IGSF10: variants seen among roughly 807,000 people sequenced by gnomAD.
IGSF10 encodes calvaria mechanical force protein 608.
In IGSF10, 126 loss-of-function variants were observed where a neutral mutation model predicts 128.2. That is an observed-to-expected ratio of 0.98 (90% CI 0.85 to 1.14). IGSF10 has a LOEUF of 1.14. IGSF10 is among the 50% of genes most tolerant of loss of function. The pLI, the probability that IGSF10 is intolerant of heterozygous loss-of-function variation, is 0.00. For missense variants in IGSF10, 3,295 were observed against 3,149.8 expected, an observed-to-expected ratio of 1.05 and a Z score of -1.10; for synonymous variants, 1,185 against 1,146.2, an observed-to-expected ratio of 1.03 and a Z score of -0.68.
chr3:151,442,640 C>T (rs374507744), intron 7 of IGSF10, among the ~76,000 whole-genome samples: 9 of 150,444 alleles, frequency 6.0e-5, no homozygotes, highest in East Asian at 5.9e-4. Flanking sequence ...CCATCTGTCT[C>T]GGCCTCCCAA....
chr3:151,617,556 G>C, the IGSF10 span, among the ~76,000 whole-genome samples: 2 of 148,246 alleles, frequency 1.3e-5, no homozygotes, highest in South Asian at 4.1e-4. Context: ...TGTCACTTGA[G>C]TATCACCCAT....
At chr3:151,608,392 T>C in the IGSF10 span, among the ~76,000 whole-genome samples, 1 of 152,204 alleles carries the variant, frequency 6.6e-6, no homozygotes, top group African/African-American at 2.4e-5. Context: ...TGAGATAATG[T>C]AGGACATCTT....
the IGSF10 span, among the ~76,000 whole-genome samples, chr3:151,483,155 C>T: frequency 6.6e-6 from 1 of 151,932 alleles, no homozygotes; most frequent in African/African-American, 2.4e-5. Flanking sequence ...TGGAATGTGC[C>T]AATATTGTAA....
chr3:151,611,296 C>T, the IGSF10 span, among the ~76,000 whole-genome samples: 2 of 152,080 alleles, frequency 1.3e-5, no homozygotes, highest in Admixed American at 6.5e-5. Flanking sequence ...TGAAAACTCA[C>T]CAAATGTTTA....
chr3:151,437,180 T>C lies in IGSF10; in HGVS notation c.7381A>G (p.Lys2461Glu). The change falls in exon 8 of 8, where the codon AAG (lysine) becomes GAG (glutamate). Residue 2461 changes from lysine to glutamate, a missense_variant. Coordinates refer to ENST00000282466, the MANE Select transcript of IGSF10 (RefSeq NM_178822.5). ...SLHCVSDGIP[K>E]PNIKWTMPSG... is the part of the protein sequence containing the mutation. ...GGCATAGTCCATTTGATATTTGGCT[T>C]AGGGATTCCATCAGACACACAATGC... 6.2e-7 allele frequency: 1 copy of C among 1,614,220 alleles called. No individual in the cohort carries two copies. Among genetic ancestry groups the C allele is most frequent in the Non-Finnish European group, 8.5e-7 (1 of 1,180,032 alleles).
chr3:151,569,654 A>T, the IGSF10 span, among the ~76,000 whole-genome samples: 699 of 152,054 alleles, frequency 4.6e-3, 2 homozygotes, highest in Non-Finnish European at 8.0e-3. Flanking sequence ...GGAAATACAG[A>T]CTCCATCTCT....
Position 151,446,563 on chromosome 3 carries a change from C to T in IGSF10, c.3418G>A (p.Gly1140Ser), listed in dbSNP as rs1180331185. 1.9e-6 allele frequency: 3 copies of T among 1,613,992 alleles called. No individual in the cohort carries two copies. The highest frequency in any genetic ancestry group is 1.6e-4 in the Middle Eastern group (1 of 6,062). The change falls in exon 6 of 8, where the codon GGT becomes AGT. Residue 1140 changes from glycine (G) to serine (S), a missense_variant. Physicochemically the swap from Gly to Ser is moderately conservative, Grantham distance 56. Transcript: ENST00000282466. ...RTEISQVTPTGAVMTYAPTSI... is the reference protein window; with the variant it reads ...RTEISQVTPTSAVMTYAPTSI... ...GTTGGAGCATATGTCATGACTGCAC[C>T]AGTTGGAGTCACTTGGGAAATTTCA...
the IGSF10 span, among the ~76,000 whole-genome samples, chr3:151,482,926 T>C: frequency 6.6e-6 from 1 of 151,666 alleles, no homozygotes; most frequent in South Asian, 2.1e-4. Flanking sequence ...TTTAAAGCCC[T>C]GCTGGCCAAG....
the IGSF10 span, among the ~76,000 whole-genome samples, chr3:151,504,169 A>G: frequency 6.6e-6 from 1 of 152,144 alleles, no homozygotes; most frequent in African/African-American, 2.4e-5. Flanking sequence ...CACCTGTTTC[A>G]AAGTTAAACT....
chr3:151,551,429 T>A, the IGSF10 span, among the ~76,000 whole-genome samples: 5 of 152,242 alleles, frequency 3.3e-5, no homozygotes, highest in Admixed American at 1.3e-4. Context: ...ATTTTTCATG[T>A]GTTTTGCATC....
At chr3:151,496,430 G>A in the IGSF10 span, among the ~76,000 whole-genome samples, 5 of 144,320 alleles carry the variant, frequency 3.5e-5, no homozygotes, top group Admixed American at 3.6e-4. Flanking sequence ...TTCCCTATGA[G>A]TGAGAACATG....
chr3:151,616,358 G>A, the IGSF10 span, among the ~76,000 whole-genome samples: 5 of 152,130 alleles, frequency 3.3e-5, no homozygotes, highest in Admixed American at 1.3e-4. Context: ...TGCCAATTAA[G>A]TGTAACTTAA....
chr3:151,464,894 A>G (rs1560186054), upstream of IGSF10, among the ~76,000 whole-genome samples: 1 of 152,234 alleles, frequency 6.6e-6, no homozygotes, highest in Non-Finnish European at 1.5e-5. Flanking sequence ...AACTCAACCA[A>G]CTAAAGTCAA....
At chr3:151,444,034 G>A (rs1228222091) in intron 6 of IGSF10, 150 bp from the exon 7 acceptor site, 1 of 642,048 alleles carries the variant, frequency 1.6e-6, no homozygotes, top group Non-Finnish European at 2.6e-6. Context: ...AACACTTTGG[G>A]AGGCTGAGGT....
chr3:151,484,648 C>G, the IGSF10 span, among the ~76,000 whole-genome samples: 1 of 150,908 alleles, frequency 6.6e-6, no homozygotes, highest in Non-Finnish European at 1.5e-5. Context: ...CCAGTGATAC[C>G]CAGGCAAACA....
chr3:151,454,969 G>A (rs1284925349), intron 4 of IGSF10, among the ~76,000 whole-genome samples: 1 of 152,012 alleles, frequency 6.6e-6, no homozygotes, highest in Admixed American at 6.6e-5. Flanking sequence ...TTGCACCACC[G>A]CACTCCAGCC....
the IGSF10 span, among the ~76,000 whole-genome samples, chr3:151,496,977 C>A: frequency 6.6e-6 from 1 of 152,096 alleles, no homozygotes; most frequent in Non-Finnish European, 1.5e-5. Context: ...TAAATGTCTT[C>A]TTTTGAGAAG....
the IGSF10 span, among the ~76,000 whole-genome samples, chr3:151,481,785 C>T: frequency 6.6e-6 from 1 of 152,148 alleles, no homozygotes; most frequent in Admixed American, 6.5e-5. Context: ...GAGATCCCCT[C>T]AACTAAGATT....
the IGSF10 span, among the ~76,000 whole-genome samples, chr3:151,578,924 A>C: frequency 6.6e-6 from 1 of 152,168 alleles, no homozygotes. Flanking sequence ...ACTGAGGATA[A>C]AGAAAGAAAC....
Sources: gnomAD v4.1 joint callset for allele counts (sites outside exome capture counted in the v4.1 genomes callset) on GRCh38, gnomAD v4.1.1 for gene constraint, MANE v1.5 for transcripts, NCBI Gene and HGNC (gene_info 2026-07-23, HGNC 2026-07-21) for gene names.